THSD7B: variants seen among roughly 807,000 people sequenced by gnomAD.
THSD7B encodes thrombospondin type 1 domain containing 7B.
A neutral mutation model predicts 213.6 loss-of-function variants in THSD7B; 138 were observed. The observed-to-expected ratio is 0.65, with a 90% CI of 0.56 to 0.74. The LOEUF is 0.74. Among genes scored for constraint, THSD7B ranks in the 30% least tolerant of loss-of-function variants. THSD7B has a pLI of 0.00. For missense variants in THSD7B, 1,931 were observed against 1,991.5 expected, an observed-to-expected ratio of 0.97 and a Z score of 0.58; for synonymous variants, 742 against 687.0, an observed-to-expected ratio of 1.08 and a Z score of -1.25.
At chr2:137,364,196 C>T (rs187770964) in intron 12 of THSD7B, among the ~76,000 whole-genome samples, 140 of 152,156 alleles carry the variant, frequency 9.2e-4, no homozygotes, top group Non-Finnish European at 1.8e-3. Context: ...CATGCTAAAG[C>T]CTTCATGCTA....
intron 2 of THSD7B, among the ~76,000 whole-genome samples, chr2:136,920,724 C>T (rs951730422): frequency 2.0e-5 from 3 of 152,124 alleles, no homozygotes; most frequent in Non-Finnish European, 4.4e-5. Flanking sequence ...CCACAGTGCC[C>T]AGGCTGTCTG....
At chr2:137,229,938 A>T (rs1434756181) in intron 7 of THSD7B, among the ~76,000 whole-genome samples, 1 of 152,226 alleles carries the variant, frequency 6.6e-6, no homozygotes, top group African/African-American at 2.4e-5. Flanking sequence ...CAGCCAGATC[A>T]TGACAAGAGA....
intron 2 of THSD7B, among the ~76,000 whole-genome samples, chr2:136,901,844 C>G (rs1394654524): frequency 1.5e-4 from 23 of 152,160 alleles, no homozygotes; most frequent in Non-Finnish European, 5.9e-5. Context: ...TAGGCTTCAC[C>G]GTCTCTTATT....
intron 5 of THSD7B, among the ~76,000 whole-genome samples, chr2:137,152,643 AT>A (rs1190596974): frequency 6.6e-6 from 1 of 152,248 alleles, no homozygotes; most frequent in African/African-American, 2.4e-5. Flanking sequence ...CCTATTAGCT[AT>A]TAATACCAAC....
intron 12 of THSD7B, among the ~76,000 whole-genome samples, chr2:137,356,949 CACACACACACACACACAG>C (rs1366544861): frequency 2.0e-4 from 15 of 75,586 alleles, no homozygotes; most frequent in Non-Finnish European, 3.0e-4. Context: ...CACACACATA[CACACACACACACACACAG>C]ACACACACAC....
chr2:137,114,206 T>C (rs1688403355), intron 4 of THSD7B, among the ~76,000 whole-genome samples: 1 of 152,234 alleles, frequency 6.6e-6, no homozygotes, highest in South Asian at 2.1e-4. Context: ...GGACAGCAGA[T>C]ATGTCAATGT....
At chr2:136,806,027 GC>G (rs1682276316) in intron 1 of THSD7B, among the ~76,000 whole-genome samples, 1 of 152,198 alleles carries the variant, frequency 6.6e-6, no homozygotes, top group African/African-American at 2.4e-5. Context: ...GTCACTCAGT[GC>G]TGGTGCCCAC....
chr2:137,606,174 G>A lies in THSD7B; in HGVS notation c.3424-10001G>A, dbSNP rs539541426. On this transcript the variant is annotated intron_variant, in intron 17 of 27. Coordinates refer to ENST00000409968, the MANE Select transcript of THSD7B (RefSeq NM_001316349.2). Reference sequence around the variant, plus strand: ...AGAGAATGTTTTTCTGGAAACCTGAGAGGTGGGTAAGGGCGAGTTAGGCAA... The same window carrying A: ...AGAGAATGTTTTTCTGGAAACCTGAAAGGTGGGTAAGGGCGAGTTAGGCAA... Among the ~76,000 whole-genome samples, 12 of 152,278 alleles carry A rather than the reference G, an allele frequency of 7.9e-5. No homozygotes were observed. The South Asian group carries it at 2.1e-3, about 26-fold the overall frequency.
intron 14 of THSD7B, among the ~76,000 whole-genome samples, chr2:137,415,675 T>C (rs1686781722): frequency 6.7e-6 from 1 of 149,672 alleles, no homozygotes; most frequent in East Asian, 2.0e-4. Context: ...TTTTTTTTTT[T>C]TTTTTTTTTT....
chr2:137,486,336 A>C (rs4954377), intron 15 of THSD7B, among the ~76,000 whole-genome samples: 3 of 144,024 alleles, frequency 2.1e-5, no homozygotes, highest in Non-Finnish European at 4.6e-5. Context: ...AAAAGGCAGG[A>C]GTTGCAATCC....
intron 20 of THSD7B, among the ~76,000 whole-genome samples, chr2:137,628,294 T>C (rs1009874014): frequency 2.0e-5 from 3 of 152,234 alleles, no homozygotes; most frequent in Non-Finnish European, 2.9e-5. Context: ...ACTATACTCA[T>C]AGCCTATATG....
At chr2:137,258,708 G>A (rs1165898219) in intron 10 of THSD7B, among the ~76,000 whole-genome samples, 1 of 150,208 alleles carries the variant, frequency 6.7e-6, no homozygotes, top group East Asian at 1.9e-4. Context: ...TAGGTTCCAG[G>A]ATACATGTGC....
chr2:137,313,063 G>T (rs1302093202), intron 12 of THSD7B, among the ~76,000 whole-genome samples: 2 of 151,220 alleles, frequency 1.3e-5, no homozygotes, highest in African/African-American at 2.4e-5. Flanking sequence ...GGGTATCCTT[G>T]TTGACTTTCT....
chr2:137,008,649 CCTATTTT>C (rs1263808593), intron 2 of THSD7B, among the ~76,000 whole-genome samples: 5 of 151,950 alleles, frequency 3.3e-5, no homozygotes, highest in African/African-American at 1.2e-4. Context: ...AGATAAAACT[CCTATTTT>C]CTATAAGAGC....
intron 15 of THSD7B, among the ~76,000 whole-genome samples, chr2:137,457,745 G>T (rs1687790470): frequency 6.6e-6 from 1 of 152,106 alleles, no homozygotes; most frequent in Non-Finnish European, 1.5e-5. Flanking sequence ...CTCCTTTCAG[G>T]CATTGAAAGA....
At chr2:136,827,637 G>A (rs745852026) in intron 1 of THSD7B, among the ~76,000 whole-genome samples, 1 of 152,120 alleles carries the variant, frequency 6.6e-6, no homozygotes, top group Non-Finnish European at 1.5e-5. Flanking sequence ...GCTCTTCAGT[G>A]GTTTGGGTGT....
chr2:137,488,189 C>G (rs1214261881), intron 15 of THSD7B, among the ~76,000 whole-genome samples: 2 of 152,104 alleles, frequency 1.3e-5, no homozygotes, highest in Non-Finnish European at 2.9e-5. Flanking sequence ...TGAACTATTT[C>G]AACTGATACT....
At chr2:136,950,552 G>A (rs564856572) in intron 2 of THSD7B, among the ~76,000 whole-genome samples, 21 of 152,062 alleles carry the variant, frequency 1.4e-4, no homozygotes, top group Non-Finnish European at 2.9e-4. Flanking sequence ...TGTCATAAAC[G>A]TGACTTTACG....
intron 1 of THSD7B, among the ~76,000 whole-genome samples, chr2:136,818,060 G>T (rs1470047018): frequency 2.1e-5 from 3 of 146,180 alleles, no homozygotes; most frequent in Non-Finnish European, 4.6e-5. Context: ...TATACCCAAA[G>T]GACTATAAAT....
Sources: allele counts gnomAD v4.1 joint callset (sites outside exome capture counted in the v4.1 genomes callset), GRCh38; gene constraint gnomAD v4.1.1; transcripts MANE v1.5; gene names NCBI Gene and HGNC (gene_info 2026-07-23, HGNC 2026-07-21).